Variants in SLC25A21 observed in about 807,000 individuals in gnomAD.
SLC25A21 encodes the protein solute carrier family 25 member 21.
A neutral mutation model predicts 43.8 loss-of-function variants in SLC25A21; 47 were observed. The observed-to-expected ratio is 1.07, with a 90% CI of 0.85 to 1.37. The LOEUF (loss-of-function observed/expected upper bound fraction) is 1.37, where lower values mean the gene tolerates loss of function less well. SLC25A21 is among the 40% of genes most tolerant of loss of function. SLC25A21 has a pLI of 0.00. For synonymous variants in SLC25A21, 131 were observed against 121.3 expected (o/e 1.08, Z -0.52); for missense variants, 352 against 350.2 (o/e 1.00, Z -0.04).
chr14:36,692,285 C>CA (rs1882823997), intron 7 of SLC25A21, among the ~76,000 whole-genome samples: 1 of 152,100 alleles, frequency 6.6e-6, no homozygotes, highest in Non-Finnish European at 1.5e-5. Context: ...GAAGTGATCC[C>CA]AAAACGCTGG....
At position 36,734,495 on chromosome 14, in the gene SLC25A21, T is replaced by A. The variant is rs373281426; in HGVS notation, c.270+12A>T. 4 of 1,602,988 alleles carry A rather than the reference T, an allele frequency of 2.5e-6. 1 individual carries two copies. The South Asian group carries it at 4.5e-5, about 18-fold the overall frequency. Reference sequence around the variant, plus strand: ...CCTACTTTTGCTTGGTGCGAACGCATGCAATGCTTACCTTCACTGCTCTTT... The same window carrying A: ...CCTACTTTTGCTTGGTGCGAACGCAAGCAATGCTTACCTTCACTGCTCTTT... On this transcript the variant is annotated intron_variant, in intron 4 of 9. Transcript: ENST00000331299.
intron 1 of SLC25A21, among the ~76,000 whole-genome samples, chr14:37,166,403 C>A (rs57843803): frequency 0.11 from 16,878 of 152,186 alleles, 2,282 homozygotes; most frequent in African/African-American, 0.32. Flanking sequence ...ACAGCTACAG[C>A]GATTATAAGA....
intron 2 of SLC25A21, among the ~76,000 whole-genome samples, chr14:36,860,622 G>C (rs924313205): frequency 6.6e-6 from 1 of 152,170 alleles, no homozygotes; most frequent in Admixed American, 6.5e-5. Context: ...AAATGAAACT[G>C]GGTCAGAATT....
intron 1 of SLC25A21, among the ~76,000 whole-genome samples, chr14:36,972,558 G>C (rs11848565): frequency 0.11 from 16,316 of 151,904 alleles, 2,418 homozygotes; most frequent in African/African-American, 0.33. Context: ...AGCAGGCTTA[G>C]GGGACAAGGC....
At chr14:37,096,366 C>T (rs1412882138) in intron 1 of SLC25A21, among the ~76,000 whole-genome samples, 2 of 152,064 alleles carry the variant, frequency 1.3e-5, no homozygotes, top group Non-Finnish European at 2.9e-5. Context: ...GAATCTGCTT[C>T]GTATTCTTTT....
intron 1 of SLC25A21, among the ~76,000 whole-genome samples, chr14:36,904,177 G>A (rs1298752765): frequency 6.6e-6 from 1 of 152,202 alleles, no homozygotes; most frequent in African/African-American, 2.4e-5. Context: ...TATAGGCTTA[G>A]CCAATGGGAA....
intron 1 of SLC25A21, among the ~76,000 whole-genome samples, chr14:37,006,731 T>C (rs1056736854): frequency 3.9e-5 from 6 of 152,132 alleles, no homozygotes; most frequent in Non-Finnish European, 8.8e-5. Context: ...ATAATGCATA[T>C]ATTTTATGGT....
At chr14:36,833,213 G>A (rs191854524) in intron 2 of SLC25A21, among the ~76,000 whole-genome samples, 173 of 152,184 alleles carry the variant, frequency 1.1e-3, no homozygotes, top group Non-Finnish European at 2.1e-3. Context: ...ATAAATAAAC[G>A]CTTAGAGGAC....
intron 1 of SLC25A21, among the ~76,000 whole-genome samples, chr14:37,108,103 T>C (rs1209730369): frequency 6.6e-6 from 1 of 152,208 alleles, no homozygotes; most frequent in Non-Finnish European, 1.5e-5. Context: ...AATGCTAATG[T>C]TTGTTCTCTT....
chr14:36,750,635 T>C (rs1483132856), intron 3 of SLC25A21, among the ~76,000 whole-genome samples: 1 of 152,196 alleles, frequency 6.6e-6, no homozygotes, highest in Non-Finnish European at 1.5e-5. Flanking sequence ...GAGATTCTGA[T>C]TTGGTAGGTC....
chr14:36,979,766 T>C (rs887111488), intron 1 of SLC25A21, among the ~76,000 whole-genome samples: 2 of 152,204 alleles, frequency 1.3e-5, no homozygotes, highest in African/African-American at 4.8e-5. Flanking sequence ...AAAACCCACC[T>C]TTAAAAACTT....
chr14:37,120,959 G>A (rs2415387), intron 1 of SLC25A21, among the ~76,000 whole-genome samples: 5 of 152,044 alleles, frequency 3.3e-5, no homozygotes, highest in African/African-American at 9.7e-5. Flanking sequence ...TGCTATAAAC[G>A]TGAGACCACT....
intron 4 of SLC25A21, among the ~76,000 whole-genome samples, chr14:36,730,222 T>C (rs1254023851): frequency 6.6e-6 from 1 of 152,246 alleles, no homozygotes; most frequent in East Asian, 1.9e-4. Context: ...GTTTCTTCAG[T>C]AGACAATGTT....
intron 3 of SLC25A21, among the ~76,000 whole-genome samples, chr14:36,738,128 C>T (rs1327524915): frequency 6.6e-6 from 1 of 152,172 alleles, no homozygotes; most frequent in East Asian, 1.9e-4. Flanking sequence ...GCTTCACTCT[C>T]AGTTAAAATT....
At chr14:36,805,056 A>G (rs1887990763) in intron 3 of SLC25A21, among the ~76,000 whole-genome samples, 1 of 152,184 alleles carries the variant, frequency 6.6e-6, no homozygotes. Context: ...AACATGGGGA[A>G]TATCTGCTCA....
chr14:37,078,087 G>A (rs573736008), intron 1 of SLC25A21, among the ~76,000 whole-genome samples: 4 of 152,162 alleles, frequency 2.6e-5, no homozygotes, highest in East Asian at 1.9e-4. Flanking sequence ...CATATTGCTC[G>A]TCATTCAAAC....
intron 1 of SLC25A21, among the ~76,000 whole-genome samples, chr14:37,153,986 T>C (rs548604392): frequency 6.6e-6 from 1 of 152,290 alleles, no homozygotes; most frequent in East Asian, 1.9e-4. Context: ...CTATACTGGC[T>C]GCCAGGTGAT....
intron 2 of SLC25A21, among the ~76,000 whole-genome samples, chr14:36,866,695 C>T (rs574674762): frequency 5.3e-5 from 8 of 152,284 alleles, no homozygotes; most frequent in African/African-American, 1.9e-4. Flanking sequence ...TTTCACATTG[C>T]ATTCTAGGCT....
At chr14:36,952,036 C>T (rs1892824303) in intron 1 of SLC25A21, among the ~76,000 whole-genome samples, 1 of 152,058 alleles carries the variant, frequency 6.6e-6, no homozygotes, top group Non-Finnish European at 1.5e-5. Context: ...AAGTTCAAGA[C>T]CAGCCTGGCC....
Sources: gnomAD v4.1 joint callset for allele counts (sites outside exome capture counted in the v4.1 genomes callset) on GRCh38, gnomAD v4.1.1 for gene constraint, MANE v1.5 for transcripts, NCBI Gene and HGNC (gene_info 2026-07-23, HGNC 2026-07-21) for gene names.